RAP1A: variants seen among roughly 807,000 people sequenced by gnomAD.
RAP1A encodes the protein ras-related protein Rap-1A.
In RAP1A, 6 loss-of-function variants were observed where a neutral mutation model predicts 26.4. The observed-to-expected ratio is 0.23, with a 90% CI of 0.12 to 0.45. The LOEUF (loss-of-function observed/expected upper bound fraction) is 0.45. RAP1A is among the 20% of genes least tolerant of loss of function. The pLI, the probability that RAP1A is intolerant of heterozygous loss-of-function variation, is 0.99. For synonymous variants in RAP1A, 73 were observed against 79.4 expected, an observed-to-expected ratio of 0.92 and a Z score of 0.43; for missense variants, 121 against 217.2, an observed-to-expected ratio of 0.56 and a Z score of 2.78.
intron 1 of RAP1A, among the ~76,000 whole-genome samples, chr1:111,640,662 A>G (rs1659863442): frequency 6.6e-6 from 1 of 152,212 alleles, no homozygotes; most frequent in African/African-American, 2.4e-5. Flanking sequence ...CGATTTTTTA[A>G]TAATTCACTA....
intron 1 of RAP1A, among the ~76,000 whole-genome samples, chr1:111,593,363 G>C (rs1658504390): frequency 6.6e-6 from 1 of 152,218 alleles, no homozygotes; most frequent in Non-Finnish European, 1.5e-5. Context: ...TGGTTATATG[G>C]TATCTGGGTG....
At chr1:111,613,192 T>C (rs1658954781) in intron 1 of RAP1A, among the ~76,000 whole-genome samples, 1 of 151,658 alleles carries the variant, frequency 6.6e-6, no homozygotes, top group Admixed American at 6.6e-5. Context: ...TGCAAGCTCT[T>C]TTTCTTTTTC....
At chr1:111,584,062 A>G (rs1396714127) in intron 1 of RAP1A, among the ~76,000 whole-genome samples, 6 of 151,660 alleles carry the variant, frequency 4.0e-5, no homozygotes. Flanking sequence ...TTGTATTTTT[A>G]GTAGAGATGA....
At chr1:111,674,027 A>G (rs549750375) in intron 1 of RAP1A, among the ~76,000 whole-genome samples, 2 of 152,332 alleles carry the variant, frequency 1.3e-5, no homozygotes, top group South Asian at 2.1e-4. Flanking sequence ...ATCCAAAATA[A>G]TTTGACCATC....
Position 111,716,629 on chromosome 1 carries a change from C to T in RAP1A, c.*4228C>T, listed in dbSNP as rs1366851754. 6.6e-6 allele frequency: 1 copy of T among 152,196 alleles called. No individual in the cohort carries two copies. Among genetic ancestry groups the T allele is most frequent in the East Asian group, 1.9e-4 (1 of 5,204 alleles). The allele number at this position is 152,196 out of a possible 1,614,324, so 9.4% of individuals were successfully genotyped here. A position where few individuals can be genotyped will look rare whatever the true frequency, so the allele number is the denominator to read the frequency against. On this transcript the variant is annotated 3_prime_UTR_variant, in exon 8 of 8. Transcript: ENST00000369709. The stretch of plus-strand genomic sequence containing the variant: ...TACATTTCCCACTAATTGCTTCTCT[C>T]AAGAAGCAAGAGATTGGCTGTTCCT...
At chr1:111,624,327 A>G (rs1659323670) in intron 1 of RAP1A, among the ~76,000 whole-genome samples, 1 of 152,198 alleles carries the variant, frequency 6.6e-6, no homozygotes, top group South Asian at 2.1e-4. Flanking sequence ...TATTGTGTGC[A>G]TGAAGTATGG....
rs192957269 is a variant in RAP1A at position 111,669,452 on chromosome 1, A to C, written c.-27-21882A>C. ...TTCTTTATCTTTCTTCCTGCCCATG[A>C]ACTGGAATGTAAACATGGCAATGAG... On this transcript the variant is annotated intron_variant, in intron 1 of 7. Transcript: ENST00000369709. Among the ~76,000 whole-genome samples the C allele has an allele frequency of 1.6e-4, 24 of 152,308 alleles. No individual in the cohort carries two copies. In the East Asian group the frequency reaches 4.6e-3, roughly 29 times the overall value.
intron 1 of RAP1A, among the ~76,000 whole-genome samples, chr1:111,547,481 G>A (rs1214010565): frequency 1.3e-5 from 2 of 152,012 alleles, no homozygotes; most frequent in East Asian, 1.9e-4. Flanking sequence ...TGAAAATGGA[G>A]TTAAAAAATA....
chr1:111,686,442 A>G (rs1302450168), intron 1 of RAP1A: 1 of 152,036 alleles, frequency 6.6e-6, no homozygotes, highest in Non-Finnish European at 1.5e-5. Flanking sequence ...AATTCCCAAA[A>G]GTGAGAATCA....
chr1:111,693,723 A>T (rs1233864765), intron 2 of RAP1A, among the ~76,000 whole-genome samples: 1 of 152,116 alleles, frequency 6.6e-6, no homozygotes, highest in Non-Finnish European at 1.5e-5. Context: ...CACATGTTCT[A>T]TACCCTTTGG....
intron 1 of RAP1A, among the ~76,000 whole-genome samples, chr1:111,644,770 GA>G (rs1351162271): frequency 1.3e-5 from 2 of 152,184 alleles, no homozygotes; most frequent in Admixed American, 1.3e-4. Context: ...CTAGAATAAT[GA>G]AACTTTTTTT....
chr1:111,560,543 C>G (rs1163020023), intron 1 of RAP1A, among the ~76,000 whole-genome samples: 14 of 151,336 alleles, frequency 9.3e-5, no homozygotes, highest in Admixed American at 9.2e-4. Context: ...GGCTGGAGTG[C>G]AATGGCACGA....
intron 1 of RAP1A, among the ~76,000 whole-genome samples, chr1:111,576,659 G>A (rs1341745712): frequency 6.6e-6 from 1 of 152,212 alleles, no homozygotes; most frequent in Admixed American, 6.5e-5. Context: ...GGAGGAACGT[G>A]TGGGTGTGCT....
At chr1:111,639,632 A>G (rs891240840) in intron 1 of RAP1A, among the ~76,000 whole-genome samples, 8 of 151,482 alleles carry the variant, frequency 5.3e-5, no homozygotes, top group Non-Finnish European at 1.0e-4. Flanking sequence ...GTTCTGGAAG[A>G]GTTAGTTTAC....
chr1:111,632,405 T>C lies in RAP1A; in HGVS notation c.-28+12471T>C, dbSNP rs1406008330. Among the ~76,000 whole-genome samples, 3 of 152,088 alleles carry C rather than the reference T, an allele frequency of 2.0e-5. No individual in the cohort carries two copies. The East Asian group carries it at 5.8e-4, about 29-fold the overall frequency. ...GATACCTAGAGGATGAAAGTAAATA[T>C]AAGTAATTGAGAAATTGAAAGAAAT... On this transcript the variant is annotated intron_variant, in intron 1 of 7. Transcript: ENST00000369709.
intron 1 of RAP1A, chr1:111,608,628 C>T: frequency 5.9e-6 from 1 of 169,454 alleles, no homozygotes; most frequent in Non-Finnish European, 1.2e-5. Context: ...ACTGAGTGAA[C>T]CAGACTCCGT....
chr1:111,649,453 TG>T, intron 1 of RAP1A: 1 of 347,296 alleles, frequency 2.9e-6, no homozygotes, highest in Non-Finnish European at 5.6e-6. Context: ...CCCCAGCACC[TG>T]GATAGACGCT....
intron 1 of RAP1A, chr1:111,648,511 G>A (rs936568209): frequency 6.6e-5 from 37 of 557,930 alleles, no homozygotes; most frequent in African/African-American, 5.8e-4. Flanking sequence ...TGGGCCTGGC[G>A]TTGCCCCTCT....
chr1:111,645,003 T>C (rs1488168476), intron 1 of RAP1A, among the ~76,000 whole-genome samples: 2 of 152,200 alleles, frequency 1.3e-5, no homozygotes, highest in Non-Finnish European at 2.9e-5. Flanking sequence ...GAATATTATA[T>C]CTCTCTCAGC....
Sources: allele counts gnomAD v4.1 joint callset (sites outside exome capture counted in the v4.1 genomes callset), GRCh38; gene constraint gnomAD v4.1.1; transcripts MANE v1.5; gene names NCBI Gene and HGNC (gene_info 2026-07-23, HGNC 2026-07-21).